The following DNAJC5B variants were observed in gnomAD, a reference collection of about 807,000 sequenced individuals.
DNAJC5B encodes DnaJ heat shock protein family (Hsp40) member C5 beta.
In DNAJC5B, 23 loss-of-function variants were observed where a neutral mutation model predicts 24.7. That is an observed-to-expected ratio of 0.93 (90% CI 0.67 to 1.32). The LOEUF is 1.32. Among genes scored for constraint, DNAJC5B ranks in the 40% most tolerant of loss-of-function variants. DNAJC5B has a pLI of 0.00. For synonymous variants in DNAJC5B, 101 were observed against 90.1 expected (o/e 1.12, Z -0.68); for missense variants, 238 against 240.8 (o/e 0.99, Z 0.08).
At chr8:66,060,860 G>A (rs1380445947) in intron 3 of DNAJC5B, among the ~76,000 whole-genome samples, 1 of 152,112 alleles carries the variant, frequency 6.6e-6, no homozygotes, top group African/African-American at 2.4e-5. Context: ...CACTGTCCTA[G>A]GTAAAATAGC....
chr8:66,035,662 TTGACTTC>T lies in DNAJC5B; in HGVS notation c.-141-7809_-141-7803del, dbSNP rs534401507. On this transcript the variant is annotated intron_variant, in intron 1 of 5. Transcript: ENST00000276570. Reference sequence around the variant, plus strand: ...AGAAACAACCAACCCTGCAGACACCTTGACTTCTGACTTCTGACTTCTGGCCTCCAGA... The same window carrying T: ...AGAAACAACCAACCCTGCAGACACCTTGACTTCTGACTTCTGGCCTCCAGA... 3.3e-4 allele frequency among the ~76,000 whole-genome samples: 50 copies of T among 152,260 alleles called. 3 individuals are homozygous for T. In the South Asian group the frequency reaches 9.8e-3, roughly 30 times the overall value.
intron 3 of DNAJC5B, among the ~76,000 whole-genome samples, chr8:66,076,350 A>G (rs761147508): frequency 6.6e-6 from 1 of 152,186 alleles, no homozygotes; most frequent in Non-Finnish European, 1.5e-5. Flanking sequence ...CGGGCTACTG[A>G]TAGCTTCTTG....
intron 1 of DNAJC5B, among the ~76,000 whole-genome samples, chr8:66,030,085 C>T (rs1806327758): frequency 6.6e-6 from 1 of 152,052 alleles, no homozygotes; most frequent in Admixed American, 6.6e-5. Flanking sequence ...CTTTTATTGC[C>T]CTTCATAGTG....
intron 1 of DNAJC5B, among the ~76,000 whole-genome samples, chr8:66,021,947 G>T (rs1323661044): frequency 1.3e-5 from 2 of 152,192 alleles, no homozygotes; most frequent in African/African-American, 2.4e-5. Context: ...CTCCCCGGAT[G>T]ACAGGGTAGA....
At chr8:66,073,299 G>T (rs1807389540) in intron 3 of DNAJC5B, among the ~76,000 whole-genome samples, 1 of 151,962 alleles carries the variant, frequency 6.6e-6, no homozygotes, top group African/African-American at 2.4e-5. Context: ...AAAAAATTAA[G>T]CTCCCAGGAC....
intron 1 of DNAJC5B, among the ~76,000 whole-genome samples, chr8:66,024,557 C>T (rs1806215064): frequency 8.7e-6 from 1 of 115,378 alleles, no homozygotes; most frequent in Admixed American, 8.5e-5. Flanking sequence ...GGTATATCTC[C>T]CAATGCTATC....
rs751559667 is a variant in DNAJC5B, at chr8:66,080,445, C to G, written c.402C>G (p.Asn134Lys). The change falls in exon 5 of 6, where the codon AAC (asparagine) becomes AAG (lysine). Residue 134 changes from asparagine (N) to lysine (K), a missense_variant. Physicochemically the swap from Asn to Lys is moderately conservative, Grantham distance 94. Coordinates refer to ENST00000276570, the MANE Select transcript of DNAJC5B (RefSeq NM_033105.6). The part of the protein sequence containing the change: ...YFCCCLCCCC[N>K]CCCGHCRPES... ...GCTGCTGCCTGTGCTGCTGCTGCAACTGCTGCTGTGGACACTGCCGGCCCG... is the reference window on the plus strand; with the variant it reads ...GCTGCTGCCTGTGCTGCTGCTGCAAGTGCTGCTGTGGACACTGCCGGCCCG... The G allele has an allele frequency of 6.2e-7, 1 of 1,614,006 alleles. No individual in the cohort carries two copies. The highest frequency in any genetic ancestry group is 2.2e-5 in the East Asian group (1 of 44,890).
At chr8:66,024,360 A>C (rs1281266249) in intron 1 of DNAJC5B, among the ~76,000 whole-genome samples, 2 of 151,214 alleles carry the variant, frequency 1.3e-5, no homozygotes, top group Non-Finnish European at 2.9e-5. Context: ...AAGAAAGCTA[A>C]TTGTGAAAAA....
rs1258844083 is a variant in DNAJC5B, at chr8:66,080,514, T to C, written c.471T>C (p.Asp157=). ...PEEDFYVSPE[D]LEEQIKSDME... ...AGGACTTCTATGTGTCCCCAGAGGA[T>C]CTGGAGGAGCAGATCAAGTCTGACA... Residue 157 remains aspartate (D), a synonymous_variant, in exon 5 of 6, where the codon GAT becomes GAC. Coordinates refer to ENST00000276570, the MANE Select transcript of DNAJC5B (RefSeq NM_033105.6). 3 of 1,613,074 alleles carry C rather than the reference T, an allele frequency of 1.9e-6. No individual in the cohort carries two copies. The highest frequency in any genetic ancestry group is 1.1e-5 in the South Asian group (1 of 90,928).
the DNAJC5B span, among the ~76,000 whole-genome samples, chr8:66,015,905 T>A: frequency 1.3e-5 from 2 of 152,200 alleles, no homozygotes; most frequent in South Asian, 4.1e-4. Context: ...GAGTGTGCAG[T>A]GGACAGTGAG....
intron 3 of DNAJC5B, among the ~76,000 whole-genome samples, chr8:66,074,562 A>G (rs1245559838): frequency 6.6e-6 from 1 of 152,254 alleles, no homozygotes. Context: ...AGAGACATTT[A>G]GAATTAAAGG....
intron 1 of DNAJC5B, among the ~76,000 whole-genome samples, chr8:66,035,815 T>A (rs1806471551): frequency 6.6e-6 from 1 of 152,126 alleles, no homozygotes; most frequent in African/African-American, 2.4e-5. Flanking sequence ...GGCATGGAAG[T>A]TCTTCCACAT....
intron 5 of DNAJC5B, among the ~76,000 whole-genome samples, chr8:66,081,158 T>C (rs758590777): frequency 3.9e-5 from 6 of 152,172 alleles, no homozygotes; most frequent in African/African-American, 9.7e-5. Context: ...GACTGTGATG[T>C]AGTACTTGAT....
At chr8:66,036,808 A>G (rs1447195586) in intron 1 of DNAJC5B, among the ~76,000 whole-genome samples, 3 of 152,144 alleles carry the variant, frequency 2.0e-5, no homozygotes, top group African/African-American at 7.2e-5. Flanking sequence ...TCATTTGAAT[A>G]TTTTGCTCAG....
chr8:66,074,195 A>C, intron 3 of DNAJC5B, among the ~76,000 whole-genome samples: 1 of 152,234 alleles, frequency 6.6e-6, no homozygotes. Flanking sequence ...ACAGACATTA[A>C]AATATTTTAA....
chr8:66,075,961 T>C (rs903365554), intron 3 of DNAJC5B, among the ~76,000 whole-genome samples: 2 of 152,116 alleles, frequency 1.3e-5, no homozygotes, highest in Non-Finnish European at 2.9e-5. Flanking sequence ...ATAGGCACAG[T>C]AGGGAGATGA....
chr8:66,048,207 T>C (rs1806765458), intron 2 of DNAJC5B, among the ~76,000 whole-genome samples: 1 of 152,264 alleles, frequency 6.6e-6, no homozygotes, highest in East Asian at 1.9e-4. Flanking sequence ...TTCTGGAGCT[T>C]CCAAACACCC....
At chr8:66,040,649 G>A (rs1251326952) in intron 1 of DNAJC5B, among the ~76,000 whole-genome samples, 2 of 152,032 alleles carry the variant, frequency 1.3e-5, no homozygotes, top group East Asian at 3.9e-4. Flanking sequence ...CTCGATCCAG[G>A]CAGCTCTTTA....
At chr8:66,032,397 T>A (rs1401398670) in intron 1 of DNAJC5B, among the ~76,000 whole-genome samples, 2 of 152,256 alleles carry the variant, frequency 1.3e-5, no homozygotes, top group Non-Finnish European at 2.9e-5. Flanking sequence ...CCACAGAGCA[T>A]GAATAGTTGC....
Sources: gnomAD v4.1 joint callset for allele counts (sites outside exome capture counted in the v4.1 genomes callset) on GRCh38, gnomAD v4.1.1 for gene constraint, MANE v1.5 for transcripts, NCBI Gene and HGNC (gene_info 2026-07-23, HGNC 2026-07-21) for gene names.